The following CNTNAP2 variants were observed in gnomAD, a reference collection of about 807,000 sequenced individuals.
The protein encoded by CNTNAP2 is contactin-associated protein-like 2.
Under a neutral mutation model 155.2 loss-of-function variants are expected in CNTNAP2, and 98 were observed. The ratio of observed to expected loss-of-function variants is 0.63; its 90% CI spans 0.54 to 0.75. The LOEUF (loss-of-function observed/expected upper bound fraction) is 0.75, where lower values mean the gene tolerates loss of function less well. Among genes scored for constraint, CNTNAP2 ranks in the 30% least tolerant of loss-of-function variants. The pLI, the probability that CNTNAP2 is intolerant of heterozygous loss-of-function variation, is 0.00. For missense variants in CNTNAP2, 1,727 were observed against 1,688.1 expected (o/e 1.02, Z -0.40); for synonymous variants, 651 against 631.2 (o/e 1.03, Z -0.47).
intron 1 of CNTNAP2, among the ~76,000 whole-genome samples, chr7:146,121,118 C>CTTT (rs1797556207): frequency 9.4e-6 from 1 of 106,696 alleles, no homozygotes. Context: ...CATAAAGCTT[C>CTTT]CTTTTTTTTT....
intron 3 of CNTNAP2, among the ~76,000 whole-genome samples, chr7:147,009,027 G>A (rs1798576645): frequency 6.6e-6 from 1 of 151,540 alleles, no homozygotes; most frequent in South Asian, 2.1e-4. Flanking sequence ...CTATTTTGGG[G>A]TAATATTACT....
At chr7:146,990,020 T>C (rs1444115308) in intron 3 of CNTNAP2, among the ~76,000 whole-genome samples, 1 of 152,036 alleles carries the variant, frequency 6.6e-6, no homozygotes, top group African/African-American at 2.4e-5. Context: ...AGGGATATTA[T>C]GTCCAATAAG....
chr7:147,358,273 T>C (rs1796094452), intron 9 of CNTNAP2, among the ~76,000 whole-genome samples: 1 of 152,082 alleles, frequency 6.6e-6, no homozygotes, highest in South Asian at 2.1e-4. Flanking sequence ...TAAACCTCAG[T>C]TTTTGGGTGG....
At chr7:147,003,147 G>A (rs1194086164) in intron 3 of CNTNAP2, among the ~76,000 whole-genome samples, 1 of 151,678 alleles carries the variant, frequency 6.6e-6, no homozygotes, top group Non-Finnish European at 1.5e-5. Context: ...TACATAAAAG[G>A]CAAATTAAAT....
At chr7:146,929,010 G>A (rs1416561866) in intron 3 of CNTNAP2, among the ~76,000 whole-genome samples, 1 of 152,210 alleles carries the variant, frequency 6.6e-6, no homozygotes, top group Non-Finnish European at 1.5e-5. Flanking sequence ...TGGGGGCAGG[G>A]CACAGACAAA....
intron 4 of CNTNAP2, among the ~76,000 whole-genome samples, chr7:147,073,038 G>C (rs533043644): frequency 6.6e-6 from 1 of 150,972 alleles, no homozygotes; most frequent in African/African-American, 2.4e-5. Context: ...ATTTTTAGTA[G>C]AGATGGGGTT....
At position 147,168,448 on chromosome 7, in the gene CNTNAP2, T is replaced by C. The variant is rs1435676694; in HGVS notation, c.1348+35939T>C. On this transcript the variant is annotated intron_variant, in intron 8 of 23. Transcript: ENST00000361727. ...AGACATTAAAAAGTTACTAATTGCC[T>C]ACTTTTTTCCTAAATTGCTTCTGGA... Among the ~76,000 whole-genome samples the C allele has an allele frequency of 2.0e-5, 3 of 152,078 alleles. No individual in the cohort carries two copies. The East Asian group carries it at 5.8e-4, about 29-fold the overall frequency.
chr7:146,734,712 G>GT (rs1308886391), intron 1 of CNTNAP2, among the ~76,000 whole-genome samples: 1 of 152,170 alleles, frequency 6.6e-6, no homozygotes, highest in East Asian at 1.9e-4. Context: ...TATTTGTGAT[G>GT]TTACTTGTAC....
chr7:148,277,423 G>A lies in CNTNAP2; in HGVS notation c.3475+10297G>A, dbSNP rs190664639. On this transcript the variant is annotated intron_variant, in intron 21 of 23. Transcript: ENST00000361727. ...GCCCTAAGTCTCTTTCGCATCCTCC[G>A]TCTCCCCATGGCAGGTTGTCGTCAG... is the stretch of plus-strand genomic sequence containing the variant. Among the ~76,000 whole-genome samples, 344 of 152,118 alleles carry A rather than the reference G, an allele frequency of 2.3e-3. 11 individuals are homozygous for A. Among genetic ancestry groups the A allele is most frequent in the Non-Finnish European group, 1.0e-3 (69 of 67,996 alleles).
At chr7:146,369,401 C>T (rs1215499127) in intron 1 of CNTNAP2, among the ~76,000 whole-genome samples, 1 of 152,120 alleles carries the variant, frequency 6.6e-6, no homozygotes, top group African/African-American at 2.4e-5. Context: ...TTTGCAAGTA[C>T]ATCTATGGGA....
chr7:147,353,830 G>A (rs59409858), intron 9 of CNTNAP2, among the ~76,000 whole-genome samples: 7,829 of 151,974 alleles, frequency 0.052, 684 homozygotes, highest in African/African-American at 0.18. Context: ...CTTAATGATC[G>A]CCATTCTAAC....
At position 146,354,421 on chromosome 7, in the gene CNTNAP2, T is replaced by TG. The variant is rs71689620; in HGVS notation, c.97+237448_97+237449insG. ...TCCTCTCTTGTTAGTATTTTTTTTT[T>TG]TTTTTTTGTTTGAGACAGAATCTCA... On this transcript the variant is annotated intron_variant, in intron 1 of 23. Transcript: ENST00000361727. 5.9e-3 allele frequency among the ~76,000 whole-genome samples: 886 copies of TG among 150,926 alleles called. 9 individuals carry two copies. Among genetic ancestry groups the TG allele is most frequent in the African/African-American group, 0.021 (849 of 40,866 alleles).
At chr7:146,562,496 G>A (rs1211445394) in intron 1 of CNTNAP2, among the ~76,000 whole-genome samples, 9 of 152,064 alleles carry the variant, frequency 5.9e-5, no homozygotes, top group African/African-American at 1.2e-4. Context: ...ACAACATGAC[G>A]CATTTTAAGG....
At chr7:146,740,582 C>T (rs1347915949) in intron 1 of CNTNAP2, among the ~76,000 whole-genome samples, 1 of 152,106 alleles carries the variant, frequency 6.6e-6, no homozygotes, top group Non-Finnish European at 1.5e-5. Flanking sequence ...TATAGTCTTG[C>T]TTTTTCTAGG....
intron 13 of CNTNAP2, among the ~76,000 whole-genome samples, chr7:147,806,214 A>G (rs1215379020): frequency 6.6e-6 from 1 of 152,238 alleles, no homozygotes; most frequent in African/African-American, 2.4e-5. Flanking sequence ...TTTCACATAC[A>G]TATGCCCAAC....
At chr7:148,358,098 G>A (rs1798549501) in intron 21 of CNTNAP2, among the ~76,000 whole-genome samples, 1 of 152,138 alleles carries the variant, frequency 6.6e-6, no homozygotes, top group African/African-American at 2.4e-5. Flanking sequence ...GAGGCCAAAA[G>A]GAGCGTGCCT....
chr7:147,262,215 C>T (rs549885876), intron 8 of CNTNAP2, among the ~76,000 whole-genome samples: 8 of 152,090 alleles, frequency 5.3e-5, no homozygotes, highest in South Asian at 2.1e-4. Context: ...CACTTTGAAA[C>T]GTTTAAAAAA....
intron 1 of CNTNAP2, among the ~76,000 whole-genome samples, chr7:146,691,669 T>C (rs1244613913): frequency 6.6e-6 from 1 of 152,148 alleles, no homozygotes; most frequent in African/African-American, 2.4e-5. Flanking sequence ...GGATTCTTTA[T>C]GTGTTTCCAA....
chr7:146,648,342 T>G (rs560912176), intron 1 of CNTNAP2, among the ~76,000 whole-genome samples: 2 of 152,286 alleles, frequency 1.3e-5, no homozygotes, highest in East Asian at 3.9e-4. Context: ...TTTTCAAACT[T>G]TATAAGGAAA....
Sources: gnomAD v4.1 joint callset for allele counts (sites outside exome capture counted in the v4.1 genomes callset) on GRCh38, gnomAD v4.1.1 for gene constraint, MANE v1.5 for transcripts, NCBI Gene and HGNC (gene_info 2026-07-23, HGNC 2026-07-21) for gene names.